The following PRDX4 variants were observed in gnomAD, a reference collection of about 807,000 sequenced individuals.
The protein encoded by PRDX4 is peroxiredoxin-4.
PRDX4 carries 12 observed loss-of-function variants against 20.5 expected under a neutral mutation model. The observed-to-expected ratio is 0.58, with a 90% CI of 0.37 to 0.95. The LOEUF is 0.95. PRDX4 is among the 40% of genes least tolerant of loss of function. The probability of loss-of-function intolerance (pLI) is 0.01; values close to 1 mark genes in which losing one functional copy is unlikely to be tolerated. For synonymous variants in PRDX4, 99 were observed against 87.5 expected, an observed-to-expected ratio of 1.13 and a Z score of -0.73; for missense variants, 180 against 207.3, an observed-to-expected ratio of 0.87 and a Z score of 0.81.
intron 3 of PRDX4, among the ~76,000 whole-genome samples, chrX:23,677,152 A>C (rs1467392262): frequency 1.8e-5 from 2 of 111,887 alleles, no homozygotes; most frequent in African/African-American, 3.2e-5. Flanking sequence ...TGCTTTCCCA[A>C]GGAAATTTGG....
intron 6 of PRDX4, among the ~76,000 whole-genome samples, chrX:23,684,047 C>CAAAAAAAA (rs3063544): frequency 6.9e-5 from 4 of 58,210 alleles, no homozygotes; most frequent in Admixed American, 2.5e-4. Flanking sequence ...GACTCCTTCT[C>CAAAAAAAA]AAAAAAAAAA....
intron 3 of PRDX4, among the ~76,000 whole-genome samples, chrX:23,678,947 A>G (rs1272315192): frequency 8.9e-6 from 1 of 111,973 alleles, no homozygotes; most frequent in Admixed American, 9.5e-5. Context: ...TCAAAAACAT[A>G]AAATAAAAAT....
intron 1 of PRDX4, among the ~76,000 whole-genome samples, chrX:23,670,997 A>C (rs1927831704): frequency 8.9e-6 from 1 of 112,131 alleles, no homozygotes; most frequent in South Asian, 3.7e-4. Context: ...GGTTTAGTGC[A>C]GGGTAGAATT....
intron 4 of PRDX4, 44 bp from the exon 5 acceptor site, chrX:23,682,352 A>C: frequency 3.9e-6 from 4 of 1,036,050 alleles, no homozygotes; most frequent in Non-Finnish European, 5.1e-6. Flanking sequence ...CAATACATAA[A>C]TGAGAAGAAA....
At chrX:23,682,551 A>G in intron 5 of PRDX4, 25 bp downstream of exon 5, 1 of 1,083,270 alleles carries the variant, frequency 9.2e-7, no homozygotes, top group Non-Finnish European at 1.2e-6. Context: ...TAACCTTTTG[A>G]TTTTTTAGTT....
chrX:23,685,598 ATCAG>A (rs1169380218), intron 6 of PRDX4, among the ~76,000 whole-genome samples: 1 of 111,536 alleles, frequency 9.0e-6, no homozygotes, highest in Non-Finnish European at 1.9e-5. Context: ...TTGATTCAGA[ATCAG>A]TCAATTACAA....
At chrX:23,679,134 C>T (rs1216871272) in intron 3 of PRDX4, 31 bp from the exon 4 acceptor site, 1 of 1,199,920 alleles carries the variant, frequency 8.3e-7, no homozygotes. Flanking sequence ...GTTTACTTAG[C>T]TCTGAGAGGT....
chrX:23,669,213 G>A (rs1438504059), intron 1 of PRDX4, among the ~76,000 whole-genome samples: 1 of 111,725 alleles, frequency 9.0e-6, no homozygotes, highest in Non-Finnish European at 1.9e-5. Context: ...CGTGAGCCAC[G>A]GTGCCCAGCC....
At chrX:23,682,853 A>AAAAAATATAT (rs1555933130) in intron 5 of PRDX4, among the ~76,000 whole-genome samples, 4 of 14,880 alleles carry the variant, frequency 2.7e-4, no homozygotes, top group Admixed American at 1.2e-3. Context: ...AAAAAAAAAA[A>AAAAAATATAT]ATATATATAT....
chrX:23,668,170 C>T (rs189699870), intron 1 of PRDX4, among the ~76,000 whole-genome samples: 24 of 112,692 alleles, frequency 2.1e-4, no homozygotes, highest in East Asian at 1.4e-3. Context: ...GGTACTATTT[C>T]AGCGAAGGAA....
rs983990703 is a variant in PRDX4, at chrX:23,682,515, A to G, written c.719A>G (p.Lys240Arg). The G allele has an allele frequency of 5.2e-6, 6 of 1,163,170 alleles. No homozygotes were observed. The highest frequency in any genetic ancestry group is 5.8e-6 in the Non-Finnish European group (5 of 867,978). Residue 240 changes from lysine (K) to arginine (R), a missense_variant, in exon 5 of 7, where the codon AAA (lysine) becomes AGA (arginine). Physicochemically the swap from Lys to Arg is conservative, Grantham distance 26. Around this residue, in one of 3 missense-constraint regions of PRDX4, gnomAD observed 73 missense variants for 76.5 expected, o/e 0.95. Coordinates refer to ENST00000379341, the MANE Select transcript of PRDX4 (RefSeq NM_006406.2). Reference protein sequence around the residue: ...RLVQAFQYTDKHGEVCPAGWK... With the variant: ...RLVQAFQYTDRHGEVCPAGWK... ...GTTCAAGCATTCCAGTACACTGACA[A>G]ACACGGAGAAGGTACCTCTCCCTTC...
intron 5 of PRDX4, among the ~76,000 whole-genome samples, chrX:23,682,877 T>TATATATATATATATATAA (rs1431021204): frequency 1.5e-5 from 1 of 65,543 alleles, no homozygotes; most frequent in African/African-American, 5.9e-5. Context: ...TATATATATA[T>TATATATATATATATATAA]AAACTAATAT....
At chrX:23,667,944 C>T in intron 1 of PRDX4, 133 bp downstream of exon 1, 1 of 956,892 alleles carries the variant, frequency 1.0e-6, no homozygotes, top group South Asian at 2.5e-5. Context: ...TGGTTCTCAC[C>T]TAGGAGGGCG....
chrX:23,684,415 A>C (rs1303112806), intron 6 of PRDX4, among the ~76,000 whole-genome samples: 1 of 111,870 alleles, frequency 8.9e-6, no homozygotes, highest in African/African-American at 3.2e-5. Flanking sequence ...ATCTAGCTCA[A>C]TTAATACTGA....
intron 6 of PRDX4, among the ~76,000 whole-genome samples, chrX:23,685,578 C>T (rs1400330830): frequency 9.0e-6 from 1 of 110,764 alleles, no homozygotes; most frequent in Non-Finnish European, 1.9e-5. Flanking sequence ...TTTTGCAAAC[C>T]CATCAGAAAT....
intron 4 of PRDX4, among the ~76,000 whole-genome samples, chrX:23,680,747 T>A (rs1316684261): frequency 5.2e-4 from 57 of 108,724 alleles, no homozygotes; most frequent in Admixed American, 4.7e-3. Context: ...AAAAAATAAT[T>A]TTTTTTTGTT....
intron 1 of PRDX4, among the ~76,000 whole-genome samples, chrX:23,668,075 C>T (rs1258338338): frequency 8.9e-6 from 1 of 112,411 alleles, no homozygotes; most frequent in Non-Finnish European, 1.9e-5. Flanking sequence ...TGGCCCTAGT[C>T]CCGAGTTTGC....
intron 5 of PRDX4, among the ~76,000 whole-genome samples, chrX:23,682,825 CAAAAAAAAAAAA>C (rs568865999): frequency 2.1e-4 from 2 of 9,580 alleles, no homozygotes; most frequent in African/African-American, 4.8e-4. Context: ...TACTAAAAAT[CAAAAAAAAAAAA>C]AAAAAAAAAA....
At position 23,675,740 on chromosome X, in the gene PRDX4, T is replaced by C. The variant is rs997533430; in HGVS notation, c.476+634T>C. 9.0e-5 allele frequency among the ~76,000 whole-genome samples: 10 copies of C among 111,668 alleles called. No homozygotes were observed. The South Asian group carries it at 1.1e-3, about 12-fold the overall frequency. ...CTGTTTAGCATTTCTGGAGAGCAGTTGGGCAACATGTCTCAAAATTGGAAA... is the reference window on the plus strand; with the variant it reads ...CTGTTTAGCATTTCTGGAGAGCAGTCGGGCAACATGTCTCAAAATTGGAAA... On this transcript the variant is annotated intron_variant, in intron 3 of 6. Coordinates refer to ENST00000379341, the MANE Select transcript of PRDX4 (RefSeq NM_006406.2).
Sources: allele counts gnomAD v4.1 joint callset (sites outside exome capture counted in the v4.1 genomes callset), GRCh38; gene constraint gnomAD v4.1.1; regional missense constraint gnomAD v4.1.1; transcripts MANE v1.5; gene names NCBI Gene and HGNC (gene_info 2026-07-23, HGNC 2026-07-21).